The following GALNT17 variants were observed in gnomAD, a reference collection of about 807,000 sequenced individuals.
GALNT17 encodes UDP-GalNAc:polypeptide N-acetylgalactosaminyltransferase-like 3.
Under a neutral mutation model 63.7 loss-of-function variants are expected in GALNT17, and 29 were observed. The observed-to-expected ratio is 0.46, with a 90% confidence interval of 0.34 to 0.62. The LOEUF is 0.62. GALNT17 is among the 20% of genes least tolerant of loss of function. The pLI is 0.01. For synonymous variants in GALNT17, 305 were observed against 318.3 expected (o/e 0.96, Z 0.45); for missense variants, 603 against 799.6 (o/e 0.75, Z 2.97).
intron 1 of GALNT17, among the ~76,000 whole-genome samples, chr7:71,140,855 C>G (rs1212076982): frequency 6.6e-6 from 1 of 151,220 alleles, no homozygotes. Flanking sequence ...GACCTTCTCT[C>G]TACAAAAAAT....
At chr7:71,230,353 A>G (rs542392912) in intron 1 of GALNT17, among the ~76,000 whole-genome samples, 5 of 152,314 alleles carry the variant, frequency 3.3e-5, no homozygotes, top group African/African-American at 9.6e-5. Flanking sequence ...GAGAAGCTAA[A>G]GGTCAAGGCC....
chr7:71,343,548 G>GA (rs1401613185), intron 2 of GALNT17, among the ~76,000 whole-genome samples: 1 of 151,938 alleles, frequency 6.6e-6, no homozygotes, highest in African/African-American at 2.4e-5. Context: ...TCTTCCACTG[G>GA]ACAGATATTT....
intron 10 of GALNT17, among the ~76,000 whole-genome samples, chr7:71,711,735 C>A (rs1356097334): frequency 2.0e-5 from 3 of 149,228 alleles, no homozygotes. Context: ...TTCTACCCCT[C>A]CTCCCTTTCT....
chr7:71,370,707 A>G (rs186997337), intron 2 of GALNT17, among the ~76,000 whole-genome samples: 28 of 152,174 alleles, frequency 1.8e-4, no homozygotes, highest in Admixed American at 1.8e-3. Flanking sequence ...GTCTCAATTG[A>G]TCTGCCCACC....
chr7:71,427,487 T>A (rs1226777081), intron 5 of GALNT17, among the ~76,000 whole-genome samples: 2 of 152,022 alleles, frequency 1.3e-5, no homozygotes, highest in East Asian at 3.9e-4. Flanking sequence ...CATTGGGGTG[T>A]AGGAAATCTG....
rs547619858 is a variant in GALNT17 at position 71,219,796 on chromosome 7, G to A, written c.238+86756G>A. 2.6e-3 allele frequency among the ~76,000 whole-genome samples: 399 copies of A among 152,216 alleles called. 3 individuals carry two copies. The highest frequency in any genetic ancestry group is 4.6e-3 in the Non-Finnish European group (313 of 68,012). On this transcript the variant is annotated intron_variant, in intron 1 of 10. Coordinates refer to ENST00000333538, the MANE Select transcript of GALNT17 (RefSeq NM_022479.3). ...CCTCATATTTTTATTTTCCTCAAAT[G>A]TCTGGTGATGCTTTGTTCTTTTGTA...
chr7:71,226,545 G>C (rs1336783155), intron 1 of GALNT17, among the ~76,000 whole-genome samples: 1 of 152,132 alleles, frequency 6.6e-6, no homozygotes, highest in African/African-American at 2.4e-5. Flanking sequence ...AGGCTGGAGT[G>C]CAGTGGCATG....
intron 9 of GALNT17, among the ~76,000 whole-genome samples, chr7:71,680,847 T>C: frequency 6.7e-6 from 1 of 149,452 alleles, no homozygotes; most frequent in Non-Finnish European, 1.5e-5. Flanking sequence ...CTTCCTTTCC[T>C]TTCCTTTTTT....
At chr7:71,634,947 G>A (rs1055522513) in intron 6 of GALNT17, among the ~76,000 whole-genome samples, 2 of 151,868 alleles carry the variant, frequency 1.3e-5, no homozygotes, top group Non-Finnish European at 2.9e-5. Flanking sequence ...GGTGACTCAC[G>A]CTTGTAATCC....
intron 5 of GALNT17, among the ~76,000 whole-genome samples, chr7:71,554,729 A>G (rs1050420631): frequency 3.3e-5 from 5 of 152,282 alleles, no homozygotes; most frequent in African/African-American, 4.8e-5. Flanking sequence ...ACCCATTTGC[A>G]GATTTCTGTA....
chr7:71,319,096 A>ATCTATCTATCTTTCTTTCTTTCTT (rs779161547), intron 1 of GALNT17, among the ~76,000 whole-genome samples: 4 of 131,882 alleles, frequency 3.0e-5, no homozygotes, highest in East Asian at 2.4e-4. Flanking sequence ...ATTTTTGTTT[A>ATCTATCTATCTTTCTTTCTTTCTT]TCTTTCTTTC....
chr7:71,525,736 C>CT (rs71089950), intron 5 of GALNT17, among the ~76,000 whole-genome samples: 3,136 of 75,094 alleles, frequency 0.042, 146 homozygotes, highest in Non-Finnish European at 0.057. Context: ...TATGTCTTTT[C>CT]TTTTTTTTTT....
intron 5 of GALNT17, among the ~76,000 whole-genome samples, chr7:71,540,047 A>G (rs1349987888): frequency 7.7e-6 from 1 of 129,770 alleles, no homozygotes; most frequent in Non-Finnish European, 1.6e-5. Flanking sequence ...TCCTGCCTCA[A>G]CCTCCCAAAG....
At chr7:71,157,386 G>A (rs552559758) in intron 1 of GALNT17, among the ~76,000 whole-genome samples, 4 of 151,930 alleles carry the variant, frequency 2.6e-5, no homozygotes, top group South Asian at 4.1e-4. Context: ...GGCTGGGCGC[G>A]GTGGCTCATG....
intron 1 of GALNT17, among the ~76,000 whole-genome samples, chr7:71,228,049 T>G (rs1233580607): frequency 2.0e-5 from 3 of 152,152 alleles, no homozygotes; most frequent in Non-Finnish European, 4.4e-5. Context: ...GTTTGGTGTT[T>G]GATCCAGGGC....
intron 8 of GALNT17, among the ~76,000 whole-genome samples, chr7:71,671,682 A>C (rs528163826): frequency 4.6e-5 from 7 of 152,318 alleles, no homozygotes; most frequent in Admixed American, 4.6e-4. Flanking sequence ...TCTCCTCTAC[A>C]GGATTCCTGG....
At chr7:71,388,114 G>A (rs928349414) in intron 2 of GALNT17, 121 bp from the exon 3 acceptor site, 34 of 1,044,056 alleles carry the variant, frequency 3.3e-5, no homozygotes, top group Non-Finnish European at 3.9e-5. Flanking sequence ...AAGGGAACCA[G>A]TGATTCACGC....
intron 5 of GALNT17, among the ~76,000 whole-genome samples, chr7:71,428,394 G>A (rs930700699): frequency 5.3e-4 from 80 of 151,672 alleles, no homozygotes; most frequent in Admixed American, 3.6e-3. Context: ...CAGTTTATGA[G>A]GTTCATTCAT....
chr7:71,431,704 G>T (rs2906276), intron 5 of GALNT17, among the ~76,000 whole-genome samples: 6,228 of 152,182 alleles, frequency 0.041, 149 homozygotes, highest in South Asian at 0.12. Context: ...AGCTGGAGGA[G>T]ATTTTTACCG....
Sources: gnomAD v4.1 joint callset for allele counts (sites outside exome capture counted in the v4.1 genomes callset) on GRCh38, gnomAD v4.1.1 for gene constraint, MANE v1.5 for transcripts, NCBI Gene and HGNC (gene_info 2026-07-23, HGNC 2026-07-21) for gene names.